CSMD1: variants seen among roughly 807,000 people sequenced by gnomAD.
CSMD1 encodes CUB and Sushi multiple domains 1.
In CSMD1, 213 loss-of-function variants were observed where a neutral mutation model predicts 417.5. The ratio of observed to expected loss-of-function variants is 0.51; its 90% CI spans 0.46 to 0.57. The LOEUF is 0.57. CSMD1 is among the 20% of genes least tolerant of loss of function. The pLI is 0.00. For missense variants in CSMD1, 6,923 were observed against 4,529.7 expected (o/e 1.53, Z -15.17); for synonymous variants, 2,862 against 1,736.8 (o/e 1.65, Z -16.11).
intron 2 of CSMD1, among the ~76,000 whole-genome samples, chr8:4,628,874 A>G (rs1013601368): frequency 1.3e-5 from 2 of 152,142 alleles, no homozygotes; most frequent in African/African-American, 2.4e-5. Flanking sequence ...GTGTTTTATT[A>G]TGAGTTTTTA....
intron 26 of CSMD1, among the ~76,000 whole-genome samples, chr8:3,249,148 A>G (rs1190116509): frequency 2.0e-5 from 3 of 152,088 alleles, no homozygotes; most frequent in East Asian, 3.9e-4. Flanking sequence ...TTAAATAGTA[A>G]CTATTATAAG....
chr8:4,647,746 A>G (rs190840740), intron 1 of CSMD1, among the ~76,000 whole-genome samples: 1 of 152,300 alleles, frequency 6.6e-6, no homozygotes, highest in East Asian at 1.9e-4. Flanking sequence ...ACATGATCTC[A>G]TTCCTTTCTT....
At chr8:4,616,969 T>TC (rs1801505478) in intron 2 of CSMD1, among the ~76,000 whole-genome samples, 1 of 134,042 alleles carries the variant, frequency 7.5e-6, no homozygotes, top group South Asian at 2.3e-4. Context: ...GCAGATTTCT[T>TC]TTTTTTACCT....
chr8:4,543,947 G>A lies in CSMD1; in HGVS notation c.302+93395C>T, dbSNP rs73498627. 5.6e-3 allele frequency among the ~76,000 whole-genome samples: 852 copies of A among 152,216 alleles called. 11 individuals carry two copies. The highest frequency in any genetic ancestry group is 0.019 in the African/African-American group (788 of 41,536). Reference sequence around the variant, plus strand: ...GTTTATCATCTTTGGTGAGGTGTCTGTTAAGGTCTTTAGCCCATTTATTAG... The same window carrying A: ...GTTTATCATCTTTGGTGAGGTGTCTATTAAGGTCTTTAGCCCATTTATTAG... On this transcript the variant is annotated intron_variant, in intron 2 of 69. Transcript: ENST00000635120.
At chr8:3,091,900 A>G (rs888049045) in intron 47 of CSMD1, among the ~76,000 whole-genome samples, 1 of 152,232 alleles carries the variant, frequency 6.6e-6, no homozygotes, top group Admixed American at 6.5e-5. Context: ...GTCATATTTA[A>G]ATAAGCCTTG....
chr8:3,685,154 A>T (rs1799882833), intron 7 of CSMD1, among the ~76,000 whole-genome samples: 1 of 152,214 alleles, frequency 6.6e-6, no homozygotes, highest in Non-Finnish European at 1.5e-5. Context: ...TCATCATTTC[A>T]GTCACATTTA....
rs189483183 is a variant in CSMD1, at chr8:4,792,827, C to T, written c.86-155269G>A. 2.6e-5 allele frequency among the ~76,000 whole-genome samples: 4 copies of T among 152,168 alleles called. No homozygotes were observed. In the East Asian group the frequency reaches 7.7e-4, roughly 29 times the overall value. On this transcript the variant is annotated intron_variant, in intron 1 of 69. Transcript: ENST00000635120. ...AATATTTAAAGTGACCAAGTGTTTC[C>T]AAAGCTCAATTTTAACAGGTCTCTC...
At chr8:4,476,686 C>T (rs916342446) in intron 2 of CSMD1, among the ~76,000 whole-genome samples, 5 of 152,082 alleles carry the variant, frequency 3.3e-5, no homozygotes, top group Admixed American at 3.3e-4. Flanking sequence ...AGGTCAAATG[C>T]CAGTTCAAGT....
chr8:3,545,412 T>A (rs1022576501), intron 10 of CSMD1, among the ~76,000 whole-genome samples: 1 of 152,220 alleles, frequency 6.6e-6, no homozygotes, highest in Non-Finnish European at 1.5e-5. Context: ...TGATGTCTGA[T>A]GGTCCAAGGT....
intron 54 of CSMD1, among the ~76,000 whole-genome samples, chr8:2,997,737 T>G (rs1313614914): frequency 6.6e-6 from 1 of 152,182 alleles, no homozygotes; most frequent in Non-Finnish European, 1.5e-5. Context: ...GAAATAAATG[T>G]GTAAATACAT....
At chr8:3,746,470 C>T (rs991739314) in intron 6 of CSMD1, among the ~76,000 whole-genome samples, 2 of 152,068 alleles carry the variant, frequency 1.3e-5, no homozygotes, top group African/African-American at 2.4e-5. Context: ...TAACAGTAAA[C>T]GTTTGTCATG....
intron 3 of CSMD1, among the ~76,000 whole-genome samples, chr8:4,077,120 A>G (rs1799859907): frequency 6.6e-6 from 1 of 151,720 alleles, no homozygotes; most frequent in South Asian, 2.1e-4. Flanking sequence ...TTTAGTGATG[A>G]GTATGATGAA....
At chr8:3,877,020 G>A (rs911336250) in intron 5 of CSMD1, among the ~76,000 whole-genome samples, 2 of 152,204 alleles carry the variant, frequency 1.3e-5, no homozygotes, top group African/African-American at 4.8e-5. Flanking sequence ...TGAAATGTGA[G>A]CATTTTCATT....
chr8:3,982,148 G>T (rs1358891805), intron 5 of CSMD1, among the ~76,000 whole-genome samples: 1 of 139,186 alleles, frequency 7.2e-6, no homozygotes, highest in African/African-American at 2.7e-5. Context: ...ACACAGCGAG[G>T]CTCTATCTCA....
chr8:3,308,598 G>A (rs1241171963), intron 23 of CSMD1, 95 bp from the exon 24 acceptor site: 2 of 918,492 alleles, frequency 2.2e-6, no homozygotes, highest in Non-Finnish European at 3.3e-6. Flanking sequence ...AATGCTCCTT[G>A]AAGGGTAGGG....
At chr8:3,868,615 T>C (rs1380720070) in intron 5 of CSMD1, among the ~76,000 whole-genome samples, 1 of 152,140 alleles carries the variant, frequency 6.6e-6, no homozygotes, top group East Asian at 1.9e-4. Context: ...GACCCGAACC[T>C]CACATGCATA....
chr8:3,274,085 A>C (rs1221085685), intron 26 of CSMD1, among the ~76,000 whole-genome samples: 4 of 150,956 alleles, frequency 2.6e-5, no homozygotes, highest in African/African-American at 7.3e-5. Flanking sequence ...ATTTCCCTCT[A>C]CACACTGCTT....
chr8:3,726,920 C>G (rs906306411), intron 6 of CSMD1, among the ~76,000 whole-genome samples: 1 of 152,196 alleles, frequency 6.6e-6, no homozygotes. Context: ...GCATCATACA[C>G]AGATAACCTA....
intron 3 of CSMD1, among the ~76,000 whole-genome samples, chr8:4,343,746 A>G (rs6558866): frequency 0.34 from 51,841 of 151,834 alleles, 12,740 homozygotes; most frequent in African/African-American, 0.7. Flanking sequence ...TATCATCTTG[A>G]TGTGTGCACT....
Sources: allele counts gnomAD v4.1 joint callset (sites outside exome capture counted in the v4.1 genomes callset), GRCh38; gene constraint gnomAD v4.1.1; transcripts MANE v1.5; gene names NCBI Gene and HGNC (gene_info 2026-07-23, HGNC 2026-07-21).